The following PTPRS variants were observed in gnomAD, a reference collection of about 807,000 sequenced individuals.
The protein encoded by PTPRS is protein tyrosine phosphatase receptor type S, also known as receptor-type tyrosine-protein phosphatase S.
Under a neutral mutation model 215.3 loss-of-function variants are expected in PTPRS, and 63 were observed. That is an observed-to-expected ratio of 0.29 (90% CI 0.24 to 0.36). PTPRS has a LOEUF of 0.36. Among genes scored for constraint, PTPRS ranks in the 10% least tolerant of loss-of-function variants. The pLI is 1.00. For missense variants in PTPRS, 2,258 were observed against 2,825.8 expected (o/e 0.80, Z 4.56); for synonymous variants, 1,404 against 1,191.4 (o/e 1.18, Z -3.68).
At chr19:5,282,316 T>C (rs1235982555) in intron 2 of PTPRS, among the ~76,000 whole-genome samples, 1 of 152,096 alleles carries the variant, frequency 6.6e-6, no homozygotes, top group Non-Finnish European at 1.5e-5. Flanking sequence ...AGTCCCCCGT[T>C]AGAAAATGTC....
chr19:5,268,673 G>A (rs756348037), intron 4 of PTPRS, among the ~76,000 whole-genome samples: 18 of 152,202 alleles, frequency 1.2e-4, no homozygotes, highest in Non-Finnish European at 1.6e-4. Context: ...AAAGCCCTGA[G>A]CACTAACAGC....
intron 1 of PTPRS, among the ~76,000 whole-genome samples, chr19:5,290,881 C>T (rs1324010956): frequency 6.6e-6 from 1 of 151,930 alleles, no homozygotes; most frequent in Non-Finnish European, 1.5e-5. Flanking sequence ...CTCCAGCCTC[C>T]CTGGACACCT....
intron 1 of PTPRS, among the ~76,000 whole-genome samples, chr19:5,323,345 G>A (rs1458630000): frequency 6.6e-6 from 1 of 152,050 alleles, no homozygotes; most frequent in Non-Finnish European, 1.5e-5. Context: ...GTGACAGAGT[G>A]AAACTCCGTC....
chr19:5,229,357 A>AAG lies in PTPRS; in HGVS notation c.2350-16_2350-15insCT, dbSNP rs57338143. On this transcript the variant is annotated splice_polypyrimidine_tract_variant and intron_variant, in intron 15 of 37. Coordinates refer to ENST00000262963, the MANE Select transcript of PTPRS (RefSeq NM_002850.4). ...TCCGTCTCCCACTGAGCGCGGGAGG[A>AAG]GGCGGCAGGGGAGAGAGGAGGAAGG... 50 of 1,373,552 alleles carry AAG rather than the reference A, an allele frequency of 3.6e-5. No homozygotes were observed. In the African/African-American group the frequency reaches 7.2e-4, roughly 20 times the overall value. 85.1% of individuals were successfully genotyped at this position (1,373,552 alleles called of 1,614,324 possible).
intron 16 of PTPRS, among the ~76,000 whole-genome samples, chr19:5,229,047 A>C (rs1031557096): frequency 1.3e-5 from 2 of 152,202 alleles, no homozygotes; most frequent in African/African-American, 2.4e-5. Flanking sequence ...TCAGGGTGAG[A>C]GGATTCAGGG....
At chr19:5,214,220 T>C in intron 30 of PTPRS, 141 bp downstream of exon 30, 1 of 1,233,046 alleles carries the variant, frequency 8.1e-7, no homozygotes, top group Non-Finnish European at 1.1e-6. Context: ...GTGGGTTCCA[T>C]GAGAATGTAG....
Position 5,244,387 on chromosome 19 carries a change from A to G in PTPRS, c.1084T>C (p.Tyr362His). 4 of 1,614,192 alleles carry G rather than the reference A, an allele frequency of 2.5e-6. No individual in the cohort carries two copies. Among genetic ancestry groups the G allele is most frequent in the Non-Finnish European group, 2.5e-6 (3 of 1,180,034 alleles). The change falls in exon 11 of 38, where the codon TAT (tyrosine) becomes CAT (histidine). Residue 362 changes from tyrosine (Y) to histidine (H), a missense_variant. By Grantham distance (83) the Tyr-to-His change is moderately conservative. Coordinates refer to ENST00000262963, the MANE Select transcript of PTPRS (RefSeq NM_002850.4). This position sits in a 1 kb window ranked among gnomAD's most constrained non-coding sequence, Gnocchi z 7.2. ...TTGGATTTATATTCGATGACGTAATAGGACACAGGATCTGGGTTGCCCGAG... is the reference window on the plus strand; with the variant it reads ...TTGGATTTATATTCGATGACGTAATGGGACACAGGATCTGGGTTGCCCGAG... ...WDSGNPDPVS[Y>H]YVIEYKSKSQ...
chr19:5,324,894 G>A (rs1426581906), intron 1 of PTPRS, among the ~76,000 whole-genome samples: 1 of 152,158 alleles, frequency 6.6e-6, no homozygotes, highest in African/African-American at 2.4e-5. Flanking sequence ...TGGAGCACAG[G>A]GGCAAGAAGA....
In PTPRS at chr19:5,339,752, C is replaced by A. The variant is rs2050625327; in HGVS notation, c.-95+912G>T. Among the ~76,000 whole-genome samples the A allele has an allele frequency of 6.6e-6, 1 of 151,752 alleles. No homozygotes were observed. The highest frequency in any genetic ancestry group is 2.1e-4 in the South Asian group (1 of 4,826). ...CGGCCCCGCCCCCGGTATGACGTCA[C>A]CTCCCCTCCCCCCGCAGCCCCCGGG... On this transcript the variant is annotated intron_variant, in intron 1 of 37. Transcript: ENST00000262963. This position sits in a 1 kb window ranked among gnomAD's most constrained non-coding sequence, Gnocchi z 4.2.
intron 4 of PTPRS, among the ~76,000 whole-genome samples, chr19:5,268,097 G>A (rs2046579740): frequency 6.6e-6 from 1 of 152,110 alleles, no homozygotes; most frequent in Admixed American, 6.6e-5. Flanking sequence ...GTGAAGCCGG[G>A]AGGCGGACTT....
At chr19:5,269,394 G>C (rs146935597) in intron 4 of PTPRS, among the ~76,000 whole-genome samples, 1 of 152,080 alleles carries the variant, frequency 6.6e-6, no homozygotes, top group Non-Finnish European at 1.5e-5. Flanking sequence ...AACAGTGCAG[G>C]AGGCGTGTGT....
intron 1 of PTPRS, among the ~76,000 whole-genome samples, chr19:5,310,756 A>C (rs1056675028): frequency 6.6e-6 from 1 of 151,998 alleles, no homozygotes; most frequent in African/African-American, 2.4e-5. Context: ...CCCAGGCTGG[A>C]GTGCAGTGAC....
rs1380215249 is a variant in PTPRS at position 5,295,373 on chromosome 19, G to A, written c.-94-9139C>T. On this transcript the variant is annotated intron_variant, in intron 1 of 37. Coordinates refer to ENST00000262963, the MANE Select transcript of PTPRS (RefSeq NM_002850.4). The surrounding 1 kb of genome is among the most constrained non-coding windows in gnomAD (Gnocchi z 4.6). ...CTCTGGGCCTCTTGTCCATGTCTCT[G>A]TGGAGGCAGACTCTTGCCCCTATTC... 2.6e-5 allele frequency among the ~76,000 whole-genome samples: 4 copies of A among 152,240 alleles called. No individual in the cohort carries two copies. Among genetic ancestry groups the A allele is most frequent in the African/African-American group, 9.6e-5 (4 of 41,472 alleles).
At chr19:5,217,148 C>T (rs1046420981) in intron 25 of PTPRS, among the ~76,000 whole-genome samples, 22 of 152,220 alleles carry the variant, frequency 1.4e-4, no homozygotes, top group African/African-American at 4.3e-4. Flanking sequence ...AGGGAAAGGA[C>T]ATATGGGCCC....
chr19:5,229,430 A>T, intron 15 of PTPRS, 61 bp downstream of exon 15: 1 of 1,360,700 alleles, frequency 7.3e-7, no homozygotes, highest in Non-Finnish European at 9.5e-7. Flanking sequence ...AGGTGGGGGG[A>T]GCGCAAGGGC....
chr19:5,240,150 C>T (rs1238338645), intron 12 of PTPRS, 49 bp downstream of exon 12: 10 of 1,458,084 alleles, frequency 6.9e-6, no homozygotes, highest in Non-Finnish European at 8.2e-6. Context: ...CGTCAGAGAG[C>T]GCCGGGGAGG....
At chr19:5,217,423 G>C (rs182984044) in intron 25 of PTPRS, among the ~76,000 whole-genome samples, 59 of 152,270 alleles carry the variant, frequency 3.9e-4, no homozygotes, top group Admixed American at 9.2e-4. Context: ...GAATACACGA[G>C]GGGTGATACA....
rs942395654 is a variant in PTPRS at position 5,207,113 on chromosome 19, C to T, written c.5779-271G>A. ...TTTTTTATTTATTTTGAGACGGAGT[C>T]TCGCTGTGTTGCCCAGGCTGGAGTG... On this transcript the variant is annotated intron_variant, in intron 37 of 37. Coordinates refer to ENST00000262963, the MANE Select transcript of PTPRS (RefSeq NM_002850.4). Among the ~76,000 whole-genome samples the T allele has an allele frequency of 1.4e-4, 21 of 152,258 alleles. No individual in the cohort carries two copies. In the East Asian group the frequency reaches 2.7e-3, roughly 20 times the overall value.
chr19:5,300,767 C>CAAAAAAAAAAAAAAAA (rs59799136), intron 1 of PTPRS, among the ~76,000 whole-genome samples: 1 of 97,752 alleles, frequency 1.0e-5, no homozygotes, highest in African/African-American at 3.9e-5. Flanking sequence ...GACTCCGTCT[C>CAAAAAAAAAAAAAAAA]AAAAAAAAAA....
Sources: allele counts gnomAD v4.1 joint callset (sites outside exome capture counted in the v4.1 genomes callset), GRCh38; gene constraint gnomAD v4.1.1; non-coding constraint Gnocchi (gnomAD v3.1); transcripts MANE v1.5; gene names NCBI Gene and HGNC (gene_info 2026-07-23, HGNC 2026-07-21).